Variants in USP53 observed in about 807,000 individuals in gnomAD.
USP53 encodes the protein ubiquitin carboxyl-terminal hydrolase 53.
USP53 carries 71 observed loss-of-function variants against 94.9 expected under a neutral mutation model. The observed-to-expected ratio is 0.75, with a 90% CI of 0.62 to 0.91. The LOEUF is 0.91. Ranked by LOEUF, USP53 falls within the 40% of genes least tolerant of loss-of-function variation. The probability of loss-of-function intolerance (pLI) is 0.00; values close to 1 mark genes in which losing one functional copy is unlikely to be tolerated. For synonymous variants in USP53, 375 were observed against 422.7 expected (o/e 0.89, Z 1.39); for missense variants, 1,173 against 1,281.0 (o/e 0.92, Z 1.29).
chr4:119,233,075 A>G (rs1369681831), intron 3 of USP53, among the ~76,000 whole-genome samples: 1 of 150,982 alleles, frequency 6.6e-6, no homozygotes, highest in Non-Finnish European at 1.5e-5. Flanking sequence ...GTTCCTTTTT[A>G]GTTATTGCCA....
intron 9 of USP53, among the ~76,000 whole-genome samples, chr4:119,258,930 A>G (rs1750111853): frequency 6.6e-6 from 1 of 152,218 alleles, no homozygotes; most frequent in South Asian, 2.1e-4. Flanking sequence ...GGTTGAATAA[A>G]AAGTATCACA....
chr4:119,236,155 G>A (rs1746712788), intron 4 of USP53, among the ~76,000 whole-genome samples: 1 of 152,152 alleles, frequency 6.6e-6, no homozygotes, highest in African/African-American at 2.4e-5. Context: ...AAAGCAAGTT[G>A]CAGGAATTTT....
At chr4:119,267,270 A>G (rs1161095483) in intron 12 of USP53, 50 bp from the exon 13 acceptor site, 43 of 1,561,632 alleles carry the variant, frequency 2.8e-5, no homozygotes, top group Non-Finnish European at 3.7e-5. Flanking sequence ...CATGTAACAC[A>G]TTGATTACAA....
At chr4:119,287,031 G>A (rs919707718) in intron 17 of USP53, among the ~76,000 whole-genome samples, 3 of 151,966 alleles carry the variant, frequency 2.0e-5, no homozygotes, top group Non-Finnish European at 4.4e-5. Flanking sequence ...GGAAAGATAA[G>A]ATTTGTCTCA....
At chr4:119,275,246 C>T (rs1293506624) in intron 17 of USP53, among the ~76,000 whole-genome samples, 1 of 86,192 alleles carries the variant, frequency 1.2e-5, no homozygotes. Context: ...ACGTTTAAAT[C>T]TTTAATCCAT....
At chr4:119,258,685 G>A (rs946441213) in intron 9 of USP53, among the ~76,000 whole-genome samples, 18 of 152,224 alleles carry the variant, frequency 1.2e-4, no homozygotes, top group Middle Eastern at 3.4e-3. Flanking sequence ...GAGAATGAGA[G>A]TCAAGCAAAA....
chr4:119,256,854 T>A (rs556338318), intron 9 of USP53, among the ~76,000 whole-genome samples: 1 of 152,298 alleles, frequency 6.6e-6, no homozygotes, highest in Admixed American at 6.5e-5. Flanking sequence ...ATTTATGAGA[T>A]GTTCTGTTTG....
intron 3 of USP53, among the ~76,000 whole-genome samples, chr4:119,231,565 G>T (rs1369071615): frequency 6.6e-6 from 1 of 152,118 alleles, no homozygotes; most frequent in African/African-American, 2.4e-5. Context: ...ATGCCTCTGG[G>T]TTGGAGGTCC....
At chr4:119,254,463 A>T (rs182592582) in intron 7 of USP53, among the ~76,000 whole-genome samples, 1 of 152,122 alleles carries the variant, frequency 6.6e-6, no homozygotes, top group East Asian at 1.9e-4. Flanking sequence ...GCTTTATTTC[A>T]TTAATTAGAT....
intron 4 of USP53, among the ~76,000 whole-genome samples, chr4:119,236,003 G>A (rs1746693801): frequency 6.6e-6 from 1 of 152,010 alleles, no homozygotes. Context: ...TATAATGTTA[G>A]TTTCAGTGAC....
intron 1 of USP53, among the ~76,000 whole-genome samples, chr4:119,213,660 A>ATATATATATATATATATATATATGTG: frequency 8.5e-6 from 1 of 117,792 alleles, no homozygotes; most frequent in Admixed American, 8.7e-5. Flanking sequence ...ATATATATAT[A>ATATATATATATATATATATATATGTG]TGTGTGTGTG....
At chr4:119,237,113 A>G (rs774719454) in intron 4 of USP53, among the ~76,000 whole-genome samples, 2 of 152,196 alleles carry the variant, frequency 1.3e-5, no homozygotes, top group Non-Finnish European at 2.9e-5. Flanking sequence ...AACCAGGGGC[A>G]TTGTCAATAA....
intron 11 of USP53, among the ~76,000 whole-genome samples, chr4:119,260,904 TAGAA>T (rs971303628): frequency 3.3e-5 from 5 of 151,722 alleles, no homozygotes; most frequent in African/African-American, 9.7e-5. Context: ...ATTGTTAACT[TAGAA>T]AGGTTTAATA....
chr4:119,270,190 G>T (rs1025827393), intron 15 of USP53, among the ~76,000 whole-genome samples: 5 of 151,518 alleles, frequency 3.3e-5, no homozygotes, highest in African/African-American at 1.2e-4. Flanking sequence ...GAACTCCTGG[G>T]TTCAAGCTCT....
At position 119,271,709 on chromosome 4, in the gene USP53, C is replaced by T. The variant is rs147140509; in HGVS notation, c.1849C>T (p.Pro617Ser). Residue 617 changes from proline to serine, a missense_variant, in exon 16 of 19, where the codon CCT becomes TCT. Physicochemically the swap from Pro to Ser is moderately conservative, Grantham distance 74 (BLOSUM62 -1). Transcript: ENST00000692078. ...PRHKPNISNK[P>S]KSSKDPSFSN... ...ACATAAACCAAATATCAGTAATAAGCCTAAATCTAGCAAGGATCCGAGTTT... is the reference window on the plus strand; with the variant it reads ...ACATAAACCAAATATCAGTAATAAGTCTAAATCTAGCAAGGATCCGAGTTT... 7,015 of 1,613,914 alleles carry T rather than the reference C, an allele frequency of 4.3e-3. 18 individuals are homozygous for T. The highest frequency in any genetic ancestry group is 0.013 in the Middle Eastern group (77 of 6,058).
intron 9 of USP53, among the ~76,000 whole-genome samples, chr4:119,257,522 T>A (rs773586917): frequency 1.4e-4 from 21 of 152,198 alleles, no homozygotes; most frequent in Admixed American, 2.6e-4. Flanking sequence ...TAATACAAAA[T>A]ACATAATATG....
intron 13 of USP53, among the ~76,000 whole-genome samples, chr4:119,267,890 G>A (rs1293139626): frequency 6.6e-6 from 1 of 152,170 alleles, no homozygotes; most frequent in East Asian, 1.9e-4. Flanking sequence ...AATCTGGGCC[G>A]GGCGCGGTGG....
chr4:119,273,159 T>A (rs1752085720), intron 16 of USP53: 1 of 152,750 alleles, frequency 6.5e-6, no homozygotes, highest in East Asian at 1.9e-4. Context: ...GAAACAGTTT[T>A]AAAATATTAG....
Position 119,256,348 on chromosome 4 carries a change from CTG to C in USP53, c.477_478del (p.Tyr160Ter). The C allele has an allele frequency of 6.2e-7, 1 of 1,613,760 alleles. No homozygotes were observed. The highest frequency in any genetic ancestry group is 1.3e-5 in the African/African-American group (1 of 74,998). ...CITHQKFAMT[L>X]YEQCVCRSCG... Reference sequence around the variant, plus strand: ...CACTCACCAGAAGTTTGCTATGACTCTGTATGAACAGGTGAGATGGCTTGATT... The same window carrying C: ...CACTCACCAGAAGTTTGCTATGACTCTATGAACAGGTGAGATGGCTTGATT... On this transcript the variant is annotated frameshift_variant, in exon 8 of 19. Coordinates refer to ENST00000692078, the MANE Select transcript of USP53 (RefSeq NM_001371395.1). LOFTEE classifies it high-confidence loss of function.
Sources: allele counts gnomAD v4.1 joint callset (sites outside exome capture counted in the v4.1 genomes callset), GRCh38; gene constraint gnomAD v4.1.1; transcripts MANE v1.5; gene names NCBI Gene and HGNC (gene_info 2026-07-23, HGNC 2026-07-21).